Variants in SLC22A15 observed in about 807,000 individuals in gnomAD.
The protein encoded by SLC22A15 is solute carrier family 22 member 15.
A neutral mutation model predicts 62.7 loss-of-function variants in SLC22A15; 45 were observed. The observed-to-expected ratio is 0.72, with a 90% confidence interval of 0.56 to 0.92. SLC22A15 has a LOEUF of 0.92. SLC22A15 is among the 40% of genes least tolerant of loss of function. SLC22A15 has a pLI of 0.00. For synonymous variants in SLC22A15, 264 were observed against 267.0 expected (o/e 0.99, Z 0.11); for missense variants, 622 against 665.6 (o/e 0.93, Z 0.72).
intron 8 of SLC22A15, among the ~76,000 whole-genome samples, chr1:116,058,593 T>A (rs751145963): frequency 2.0e-5 from 3 of 152,210 alleles, no homozygotes; most frequent in Admixed American, 6.5e-5. Flanking sequence ...AACTACCATT[T>A]GATCCAGCAA....
intron 8 of SLC22A15, among the ~76,000 whole-genome samples, chr1:116,043,786 T>C (rs1486055928): frequency 6.6e-6 from 1 of 152,140 alleles, no homozygotes; most frequent in Non-Finnish European, 1.5e-5. Context: ...GACATCACTA[T>C]AGAACCTATA....
chr1:116,037,682 A>G (rs988209894), intron 8 of SLC22A15, among the ~76,000 whole-genome samples: 3 of 152,236 alleles, frequency 2.0e-5, no homozygotes, highest in Admixed American at 6.5e-5. Flanking sequence ...AGGAGGACTG[A>G]TTAGTTCTTC....
intron 1 of SLC22A15, among the ~76,000 whole-genome samples, chr1:115,982,261 C>G (rs1654645854): frequency 6.6e-6 from 1 of 152,170 alleles, no homozygotes; most frequent in South Asian, 2.1e-4. Context: ...TCATATAGTA[C>G]TCAACAAATG....
chr1:116,004,132 T>G (rs910364765), intron 2 of SLC22A15, among the ~76,000 whole-genome samples: 2 of 152,212 alleles, frequency 1.3e-5, no homozygotes, highest in Non-Finnish European at 2.9e-5. Context: ...TCAGTTTTAG[T>G]TGGTCAGAGA....
At chr1:116,002,949 G>A (rs1250308699) in intron 2 of SLC22A15, among the ~76,000 whole-genome samples, 1 of 151,870 alleles carries the variant, frequency 6.6e-6, no homozygotes, top group Non-Finnish European at 1.5e-5. Flanking sequence ...GAATGTGCTG[G>A]ATCACACCTG....
chr1:116,048,261 A>G (rs1450159997), intron 8 of SLC22A15, among the ~76,000 whole-genome samples: 1 of 152,076 alleles, frequency 6.6e-6, no homozygotes, highest in Non-Finnish European at 1.5e-5. Flanking sequence ...CAAAAAGATC[A>G]TCACCTAGGC....
chr1:115,987,327 A>C (rs1167716269), intron 1 of SLC22A15, among the ~76,000 whole-genome samples: 4 of 151,858 alleles, frequency 2.6e-5, no homozygotes, highest in Non-Finnish European at 5.9e-5. Context: ...CACCACGCCC[A>C]GCTAATTTTT....
At chr1:116,049,064 A>T (rs1657993554) in intron 8 of SLC22A15, among the ~76,000 whole-genome samples, 1 of 152,238 alleles carries the variant, frequency 6.6e-6, no homozygotes, top group South Asian at 2.1e-4. Flanking sequence ...TCCTAAACAC[A>T]TATGCACCTA....
At chr1:116,064,620 A>T in intron 10 of SLC22A15, 112 bp downstream of exon 10, 1 of 757,952 alleles carries the variant, frequency 1.3e-6, no homozygotes, top group Non-Finnish European at 2.3e-6. Context: ...AGCTGACACA[A>T]ATGTGAACCT....
chr1:116,013,881 C>T (rs1357265612), intron 2 of SLC22A15: 1 of 152,272 alleles, frequency 6.6e-6, no homozygotes, highest in Non-Finnish European at 1.5e-5. Flanking sequence ...CCTCTGAACT[C>T]CAGGCATCTA....
At chr1:116,011,324 T>C (rs1023791389) in intron 2 of SLC22A15, among the ~76,000 whole-genome samples, 12 of 152,146 alleles carry the variant, frequency 7.9e-5, no homozygotes, top group African/African-American at 2.4e-4. Context: ...AGCTGTCAGA[T>C]TGGCTATAGG....
intron 1 of SLC22A15, among the ~76,000 whole-genome samples, chr1:115,991,009 C>T (rs553309523): frequency 6.6e-5 from 10 of 152,216 alleles, no homozygotes; most frequent in African/African-American, 1.2e-4. Context: ...CCACCTGCCT[C>T]GGCCTCCCAA....
At chr1:116,047,685 A>G (rs1033662992) in intron 8 of SLC22A15, among the ~76,000 whole-genome samples, 5 of 152,182 alleles carry the variant, frequency 3.3e-5, no homozygotes, top group Admixed American at 2.6e-4. Context: ...AAAGGGGGAG[A>G]GTACTACATC....
In SLC22A15 at chr1:116,066,725, A is replaced by G; in HGVS notation, c.1554+17A>G. On this transcript the variant is annotated intron_variant, in intron 11 of 11. Transcript: ENST00000369503. The stretch of plus-strand genomic sequence containing the variant: ...CCCCAACAGGTGTGATATTTTTCTT[A>G]ATTATTATACCGCTTGGATAGTGGC... The G allele has an allele frequency of 6.2e-7, 1 of 1,601,584 alleles. No individual in the cohort carries two copies. Among genetic ancestry groups the G allele is most frequent in the East Asian group, 2.2e-5 (1 of 44,608 alleles).
intron 6 of SLC22A15, among the ~76,000 whole-genome samples, 185 bp from the exon 7 acceptor site, chr1:116,035,002 G>GT (rs1230939408): frequency 6.6e-6 from 1 of 151,738 alleles, no homozygotes; most frequent in Non-Finnish European, 1.5e-5. Context: ...TAATTTTTTT[G>GT]TTTTTTCCTA....
chr1:116,036,760 A>G (rs779410487), intron 7 of SLC22A15, among the ~76,000 whole-genome samples: 1 of 152,208 alleles, frequency 6.6e-6, no homozygotes, highest in Non-Finnish European at 1.5e-5. Context: ...TCTTTCAACA[A>G]AGTATGAAAT....
At chr1:116,049,139 CATA>C (rs1222776527) in intron 8 of SLC22A15, among the ~76,000 whole-genome samples, 1 of 152,058 alleles carries the variant, frequency 6.6e-6, no homozygotes, top group Admixed American at 6.5e-5. Flanking sequence ...TAGACAGCAA[CATA>C]ATAATAATGG....
At chr1:115,989,575 G>A (rs1172321155) in intron 1 of SLC22A15, among the ~76,000 whole-genome samples, 1 of 152,174 alleles carries the variant, frequency 6.6e-6, no homozygotes, top group East Asian at 1.9e-4. Context: ...GAGATCAGGA[G>A]TTCAAGACCA....
In SLC22A15 at chr1:116,062,793, T is replaced by C. The variant is rs1011992600; in HGVS notation, c.1203T>C (p.His401=). ...GTGTGTTTGCAGTGGTGAACAGCCA[T>C]TCCTTGTCCTTGCTGGGGAAGCTGA... The part of the protein sequence containing the change: ...DTGVFAVVNS[H]SLSLLGKLTI... The change falls in exon 9 of 12, where the codon CAT becomes CAC. Residue 401 remains histidine (H), a synonymous_variant. Coordinates refer to ENST00000369503, the MANE Select transcript of SLC22A15 (RefSeq NM_018420.3). 6.8e-6 allele frequency: 11 copies of C among 1,613,906 alleles called. No individual in the cohort carries two copies. The highest frequency in any genetic ancestry group is 9.3e-6 in the Non-Finnish European group (11 of 1,179,800).
Sources: gnomAD v4.1 joint callset for allele counts (sites outside exome capture counted in the v4.1 genomes callset) on GRCh38, gnomAD v4.1.1 for gene constraint, MANE v1.5 for transcripts, NCBI Gene and HGNC (gene_info 2026-07-23, HGNC 2026-07-21) for gene names.